KYNU: variants seen among roughly 807,000 people sequenced by gnomAD.
The protein encoded by KYNU is kynureninase, also known as L-kynurenine hydrolase.
A neutral mutation model predicts 59.2 loss-of-function variants in KYNU; 54 were observed. The ratio of observed to expected loss-of-function variants is 0.91; its 90% CI spans 0.73 to 1.14. The LOEUF (loss-of-function observed/expected upper bound fraction) is 1.14, where lower values mean the gene tolerates loss of function less well. Among genes scored for constraint, KYNU ranks in the 50% most tolerant of loss-of-function variants. The pLI, the probability that KYNU is intolerant of heterozygous loss-of-function variation, is 0.00. For missense variants in KYNU, 567 were observed against 554.4 expected, an observed-to-expected ratio of 1.02 and a Z score of -0.23; for synonymous variants, 177 against 192.0, an observed-to-expected ratio of 0.92 and a Z score of 0.65.
intron 2 of KYNU, among the ~76,000 whole-genome samples, chr2:142,887,147 G>A (rs993338350): frequency 6.8e-6 from 1 of 146,740 alleles, no homozygotes; most frequent in Non-Finnish European, 1.5e-5. Flanking sequence ...TCCAGCTTGG[G>A]CGACAGTCCG....
intron 4 of KYNU, among the ~76,000 whole-genome samples, chr2:142,933,180 A>C (rs1683284509): frequency 1.3e-5 from 2 of 152,342 alleles, no homozygotes; most frequent in Admixed American, 1.3e-4. Flanking sequence ...CAGGCAGGCC[A>C]TCCAAGAACT....
At chr2:143,026,541 CA>C (rs1686568995) in intron 10 of KYNU, among the ~76,000 whole-genome samples, 1 of 152,212 alleles carries the variant, frequency 6.6e-6, no homozygotes, top group Non-Finnish European at 1.5e-5. Context: ...TGGTAGGACC[CA>C]ACCCCACTCA....
intron 12 of KYNU, among the ~76,000 whole-genome samples, chr2:143,038,027 A>G (rs527908228): frequency 6.6e-6 from 1 of 152,312 alleles, no homozygotes; most frequent in African/African-American, 2.4e-5. Context: ...CATACCAAAA[A>G]AATTGGTTTC....
chr2:142,882,853 G>A (rs1328402379), intron 1 of KYNU, among the ~76,000 whole-genome samples: 2 of 152,150 alleles, frequency 1.3e-5, no homozygotes, highest in Non-Finnish European at 2.9e-5. Context: ...GCAGTAATGG[G>A]ATTGCTGGGT....
At chr2:142,880,886 T>C (rs1681272686) in intron 1 of KYNU, among the ~76,000 whole-genome samples, 1 of 152,222 alleles carries the variant, frequency 6.6e-6, no homozygotes, top group Admixed American at 6.5e-5. Context: ...TAGAATCAAG[T>C]TTCAGGCATA....
At chr2:143,042,004 T>C in intron 13 of KYNU, 43 bp from the exon 14 acceptor site, 4 of 1,598,944 alleles carry the variant, frequency 2.5e-6, no homozygotes, top group Non-Finnish European at 2.6e-6. Context: ...TTTCAACGTG[T>C]GAATAATGCT....
At chr2:142,928,554 G>A (rs1440227281) in intron 4 of KYNU, among the ~76,000 whole-genome samples, 2 of 152,102 alleles carry the variant, frequency 1.3e-5, no homozygotes, top group Non-Finnish European at 2.9e-5. Context: ...GAAAATCAAC[G>A]TGGCTGGAAG....
In KYNU at chr2:143,013,298, C is replaced by CTGTGTGTGTGTGTGTGTGTGTG. The variant is rs71301735; in HGVS notation, c.903-16308_903-16307insGTGTGTGTGTGTGTGTGTGTGT. 8.1e-3 allele frequency among the ~76,000 whole-genome samples: 1,208 copies of CTGTGTGTGTGTGTGTGTGTGTG among 149,542 alleles called. 14 individuals are homozygous for CTGTGTGTGTGTGTGTGTGTGTG. Among genetic ancestry groups the CTGTGTGTGTGTGTGTGTGTGTG allele is most frequent in the African/African-American group, 0.025 (1,005 of 40,552 alleles). On this transcript the variant is annotated intron_variant, in intron 10 of 13. Transcript: ENST00000264170. ...TCTCTCTGTTTCTCTGTCTCTTTCTCTGTGTGTGTGTGTGTGTGTGTCCAT... is the reference window on the plus strand; with the variant it reads ...TCTCTCTGTTTCTCTGTCTCTTTCTCTGTGTGTGTGTGTGTGTGTGTGTGTGTGTGTGTGTGTGTGTGTCCAT...
chr2:143,013,091 G>T (rs1396793980), intron 10 of KYNU, among the ~76,000 whole-genome samples: 2 of 152,026 alleles, frequency 1.3e-5, no homozygotes, highest in Non-Finnish European at 2.9e-5. Flanking sequence ...AAACTCCCAG[G>T]CTCAAGTGAT....
At chr2:143,034,147 G>C in intron 12 of KYNU, among the ~76,000 whole-genome samples, 1 of 150,974 alleles carries the variant, frequency 6.6e-6, no homozygotes, top group East Asian at 1.9e-4. Flanking sequence ...TAATGTAAAT[G>C]TATAAATATT....
Position 143,040,491 on chromosome 2 carries a change from G to A in KYNU, c.1105G>A (p.Glu369Lys), listed in dbSNP as rs1687012530. ...KKSVLLTGYL[E>K]YLIKHNYGKD... ...ATCTGTTTTGCTAACTGGCTATCTGGAATACCTGATCAAGCATAACTATGG... is the reference window on the plus strand; with the variant it reads ...ATCTGTTTTGCTAACTGGCTATCTGAAATACCTGATCAAGCATAACTATGG... The change falls in exon 13 of 14, where the codon GAA becomes AAA. Residue 369 changes from glutamate to lysine, a missense_variant. By Grantham distance (56) the Glu-to-Lys change is moderately conservative. Transcript: ENST00000264170. The A allele has an allele frequency of 2.5e-6, 4 of 1,613,166 alleles. No individual in the cohort carries two copies. In the South Asian group the frequency reaches 3.3e-5, roughly 13 times the overall value.
rs1334517300 is a variant in KYNU, at chr2:143,044,328, T to A, written c.*2156T>A. On this transcript the variant is annotated 3_prime_UTR_variant, in exon 14 of 14. Transcript: ENST00000264170. The stretch of plus-strand genomic sequence containing the variant: ...CATGTGTCTTTATAGTAGAATGATT[T>A]ATAATCCTTAGGGTATACCCAGTAA... 1 of 152,218 alleles carries A rather than the reference T, an allele frequency of 6.6e-6. No individual in the cohort carries two copies. Among genetic ancestry groups the A allele is most frequent in the Non-Finnish European group, 1.5e-5 (1 of 68,048 alleles). 9.4% of individuals were successfully genotyped at this position (152,218 alleles called of 1,614,324 possible).
At chr2:143,010,823 A>G (rs1295063718) in intron 10 of KYNU, among the ~76,000 whole-genome samples, 2 of 144,834 alleles carry the variant, frequency 1.4e-5, no homozygotes, top group Non-Finnish European at 3.0e-5. Context: ...AGGATTCCCT[A>G]TTTAATAAAT....
At position 143,054,816 on chromosome 2, in the gene KYNU, A is replaced by G. The variant is rs1687326925; in HGVS notation, c.*12644A>G. Reference sequence around the variant, plus strand: ...ATACAATAGGAGGCAGGTAGGGAGAAGGCACTACCCTGAATTATGAGACTG... The same window carrying G: ...ATACAATAGGAGGCAGGTAGGGAGAGGGCACTACCCTGAATTATGAGACTG... On this transcript the variant is annotated 3_prime_UTR_variant, in exon 14 of 14. Coordinates refer to ENST00000264170, the MANE Select transcript of KYNU (RefSeq NM_003937.3). 6.6e-6 allele frequency: 1 copy of G among 152,256 alleles called. No individual in the cohort carries two copies. The highest frequency in any genetic ancestry group is 2.4e-5 in the African/African-American group (1 of 41,458). 9.4% of individuals were successfully genotyped at this position (152,256 alleles called of 1,614,324 possible).
intron 5 of KYNU, among the ~76,000 whole-genome samples, chr2:142,955,816 A>G (rs1482151915): frequency 1.3e-5 from 2 of 152,238 alleles, no homozygotes; most frequent in Admixed American, 6.5e-5. Context: ...TACATAGACC[A>G]TAATATTTCA....
intron 11 of KYNU, among the ~76,000 whole-genome samples, chr2:143,032,088 T>C (rs535732409): frequency 4.6e-5 from 7 of 151,994 alleles, no homozygotes; most frequent in Admixed American, 4.6e-4. Context: ...CCACCCTGGC[T>C]AACACTGTGA....
At chr2:142,946,049 A>C (rs1302639399) in intron 4 of KYNU, among the ~76,000 whole-genome samples, 1 of 151,432 alleles carries the variant, frequency 6.6e-6, no homozygotes, top group African/African-American at 2.4e-5. Flanking sequence ...CTTTTTTCCA[A>C]ATTTTTAACT....
chr2:142,975,554 A>G (rs1367168393), intron 8 of KYNU, among the ~76,000 whole-genome samples: 1 of 152,146 alleles, frequency 6.6e-6, no homozygotes, highest in Non-Finnish European at 1.5e-5. Context: ...TAATTGTAAC[A>G]TACCCCTAGA....
chr2:142,984,124 A>T (rs1333126946), intron 8 of KYNU, among the ~76,000 whole-genome samples: 2 of 152,192 alleles, frequency 1.3e-5, no homozygotes, highest in East Asian at 3.9e-4. Flanking sequence ...ATTAAAATTC[A>T]TTGACTGAAC....
Sources: allele counts gnomAD v4.1 joint callset (sites outside exome capture counted in the v4.1 genomes callset), GRCh38; gene constraint gnomAD v4.1.1; transcripts MANE v1.5; gene names NCBI Gene and HGNC (gene_info 2026-07-23, HGNC 2026-07-21).